The following SEMA5A variants were observed in gnomAD, a reference collection of about 807,000 sequenced individuals.
SEMA5A encodes semaphorin-5A.
SEMA5A carries 55 observed loss-of-function variants against 135.5 expected under a neutral mutation model. The observed-to-expected ratio is 0.41, with a 90% confidence interval of 0.33 to 0.51. The LOEUF is 0.51. SEMA5A is among the 20% of genes least tolerant of loss of function. The pLI is 0.37. For missense variants in SEMA5A, 1,290 were observed against 1,419.9 expected (o/e 0.91, Z 1.47); for synonymous variants, 580 against 546.5 (o/e 1.06, Z -0.85).
At chr5:9,490,870 A>G (rs1042365311) in intron 1 of SEMA5A, among the ~76,000 whole-genome samples, 3 of 152,220 alleles carry the variant, frequency 2.0e-5, no homozygotes, top group African/African-American at 7.2e-5. Flanking sequence ...GCAATTGGCC[A>G]ATGCTCAGGC....
chr5:9,154,061 AAATATAT>A (rs1383367610), intron 12 of SEMA5A, among the ~76,000 whole-genome samples: 135 of 46,840 alleles, frequency 2.9e-3, no homozygotes, highest in Middle Eastern at 9.6e-3. Context: ...AAAAAAAAAA[AAATATAT>A]ATATATATAT....
chr5:9,205,911 C>T (rs1466104895), intron 8 of SEMA5A, among the ~76,000 whole-genome samples: 2 of 152,224 alleles, frequency 1.3e-5, no homozygotes, highest in East Asian at 3.9e-4. Flanking sequence ...GCATCCTGTT[C>T]CTTTTTCAAA....
rs1240355138 is a variant in SEMA5A, at chr5:9,529,049, C to G, written c.-175+16535G>C. On this transcript the variant is annotated intron_variant, in intron 1 of 22. Transcript: ENST00000382496. Reference sequence around the variant, plus strand: ...TCCAAAGAGCTAGGCAGAAGAGCTGCCTTTTCTATTCTGAACCCATGGTAG... The same window carrying G: ...TCCAAAGAGCTAGGCAGAAGAGCTGGCTTTTCTATTCTGAACCCATGGTAG... Among the ~76,000 whole-genome samples, 4 of 152,308 alleles carry G rather than the reference C, an allele frequency of 2.6e-5. No individual in the cohort carries two copies. In the East Asian group the frequency reaches 5.8e-4, roughly 22 times the overall value.
intron 16 of SEMA5A, among the ~76,000 whole-genome samples, chr5:9,067,067 C>T (rs1737515640): frequency 6.6e-6 from 1 of 152,134 alleles, no homozygotes; most frequent in Non-Finnish European, 1.5e-5. Flanking sequence ...TGTTTTAAGA[C>T]CTGGGATCAC....
At chr5:9,102,169 A>G (rs2150143788) in intron 16 of SEMA5A, among the ~76,000 whole-genome samples, 1 of 152,338 alleles carries the variant, frequency 6.6e-6, no homozygotes, top group East Asian at 1.9e-4. Flanking sequence ...GCCAATTTTA[A>G]AACAGACTGT....
At chr5:9,138,038 GTTA>G (rs1439863074) in intron 12 of SEMA5A, among the ~76,000 whole-genome samples, 1 of 152,156 alleles carries the variant, frequency 6.6e-6, no homozygotes, top group African/African-American at 2.4e-5. Context: ...TAGGTAGTAA[GTTA>G]TTATACAATT....
intron 1 of SEMA5A, among the ~76,000 whole-genome samples, chr5:9,544,242 T>C (rs1738248817): frequency 6.6e-6 from 1 of 152,112 alleles, no homozygotes; most frequent in Admixed American, 6.5e-5. Flanking sequence ...GAACAATCAT[T>C]TGTGACTCCT....
intron 4 of SEMA5A, among the ~76,000 whole-genome samples, chr5:9,332,972 C>T (rs1022365476): frequency 2.6e-5 from 4 of 152,138 alleles, no homozygotes; most frequent in Non-Finnish European, 5.9e-5. Context: ...AGCTTACAGA[C>T]GAACTTTCTT....
At chr5:9,127,632 T>C (rs1404086368) in intron 13 of SEMA5A, among the ~76,000 whole-genome samples, 1 of 152,222 alleles carries the variant, frequency 6.6e-6, no homozygotes, top group African/African-American at 2.4e-5. Flanking sequence ...TTTGCACATA[T>C]GTCCCTTTCA....
intron 2 of SEMA5A, among the ~76,000 whole-genome samples, chr5:9,399,606 A>G (rs1756559494): frequency 6.6e-6 from 1 of 152,206 alleles, no homozygotes; most frequent in South Asian, 2.1e-4. Flanking sequence ...GGTAAATTTT[A>G]TGATATGTGA....
At chr5:9,252,726 G>T (rs1194001542) in intron 5 of SEMA5A, among the ~76,000 whole-genome samples, 1 of 152,252 alleles carries the variant, frequency 6.6e-6, no homozygotes, top group East Asian at 1.9e-4. Context: ...TCCAATCTAA[G>T]ATTCTAAGAT....
At chr5:9,045,065 G>A (rs1337960777) in intron 21 of SEMA5A, among the ~76,000 whole-genome samples, 1 of 152,138 alleles carries the variant, frequency 6.6e-6, no homozygotes, top group Non-Finnish European at 1.5e-5. Context: ...GATTACAGGT[G>A]TGAGCCACTG....
At chr5:9,463,018 C>T (rs2126733261) in intron 1 of SEMA5A, among the ~76,000 whole-genome samples, 1 of 151,546 alleles carries the variant, frequency 6.6e-6, no homozygotes, top group Admixed American at 6.6e-5. Context: ...CAAGAACTCC[C>T]TGGGACATGA....
At chr5:9,093,413 T>C (rs1739141503) in intron 16 of SEMA5A, among the ~76,000 whole-genome samples, 1 of 152,162 alleles carries the variant, frequency 6.6e-6, no homozygotes, top group Non-Finnish European at 1.5e-5. Context: ...GACAGCAAGC[T>C]AAAAGAACTG....
intron 2 of SEMA5A, among the ~76,000 whole-genome samples, chr5:9,400,826 A>T (rs917999273): frequency 6.6e-6 from 1 of 152,182 alleles, no homozygotes; most frequent in African/African-American, 2.4e-5. Flanking sequence ...GTTAATATTC[A>T]TGAAGAAATC....
intron 8 of SEMA5A, among the ~76,000 whole-genome samples, chr5:9,213,107 C>A (rs1048736296): frequency 2.0e-5 from 3 of 152,132 alleles, no homozygotes; most frequent in Non-Finnish European, 4.4e-5. Flanking sequence ...TTTACTCGGG[C>A]ACGAATCCCA....
intron 2 of SEMA5A, among the ~76,000 whole-genome samples, chr5:9,403,462 G>A (rs1756750316): frequency 6.6e-6 from 1 of 152,102 alleles, no homozygotes; most frequent in Non-Finnish European, 1.5e-5. Context: ...TTGCTGGCTG[G>A]GTGACTTTGG....
chr5:9,477,824 G>T (rs533867488), intron 1 of SEMA5A, among the ~76,000 whole-genome samples: 2 of 152,206 alleles, frequency 1.3e-5, no homozygotes, highest in South Asian at 4.1e-4. Context: ...TGACCATGCA[G>T]TAGAAAAGAA....
At chr5:9,133,269 T>C (rs189202128) in intron 13 of SEMA5A, among the ~76,000 whole-genome samples, 273 of 152,352 alleles carry the variant, frequency 1.8e-3, no homozygotes, top group Middle Eastern at 3.4e-3. Flanking sequence ...GTCATCTCCT[T>C]CTAAGAGACA....
Sources: gnomAD v4.1 joint callset for allele counts (sites outside exome capture counted in the v4.1 genomes callset) on GRCh38, gnomAD v4.1.1 for gene constraint, MANE v1.5 for transcripts, NCBI Gene and HGNC (gene_info 2026-07-23, HGNC 2026-07-21) for gene names.